MKLN1: variants seen among roughly 807,000 people sequenced by gnomAD.
MKLN1 encodes muskelin.
A neutral mutation model predicts 99.0 loss-of-function variants in MKLN1; 18 were observed. That is an observed-to-expected ratio of 0.18 (90% confidence interval 0.13 to 0.27). MKLN1 has a LOEUF of 0.27. Ranked by LOEUF, MKLN1 falls within the 10% of genes least tolerant of loss-of-function variation. MKLN1 has a pLI of 1.00. For synonymous variants in MKLN1, 288 were observed against 293.2 expected (o/e 0.98, Z 0.18); for missense variants, 621 against 875.9 (o/e 0.71, Z 3.67).
intron 16 of MKLN1, among the ~76,000 whole-genome samples, chr7:131,473,428 G>A (rs1398298212): frequency 2.6e-5 from 4 of 151,660 alleles, no homozygotes; most frequent in Admixed American, 6.6e-5. Flanking sequence ...ATTGACAGCT[G>A]ACTATCAACT....
At chr7:131,375,302 T>G in intron 1 of MKLN1, 122 bp from the exon 2 acceptor site, 1 of 637,152 alleles carries the variant, frequency 1.6e-6, no homozygotes, top group South Asian at 2.0e-5. Context: ...TCTGTTTTGT[T>G]TTCTATTCTT....
intron 3 of MKLN1, among the ~76,000 whole-genome samples, chr7:131,315,724 T>C (rs1798655471): frequency 6.6e-6 from 1 of 152,176 alleles, no homozygotes; most frequent in Non-Finnish European, 1.5e-5. Flanking sequence ...GAGGGGCATC[T>C]GCCATTACTG....
intron 1 of MKLN1, among the ~76,000 whole-genome samples, chr7:131,138,975 T>A (rs938707097): frequency 6.6e-6 from 1 of 152,182 alleles, no homozygotes; most frequent in Non-Finnish European, 1.5e-5. Context: ...CTAAATTAAC[T>A]GTGCCAGGCC....
intron 3 of MKLN1, among the ~76,000 whole-genome samples, chr7:131,298,032 T>G (rs1015187709): frequency 4.6e-5 from 7 of 151,438 alleles, no homozygotes; most frequent in Non-Finnish European, 1.0e-4. Context: ...GCCTGTAATC[T>G]CACCACTTTG....
chr7:131,399,104 A>G (rs1584697794), intron 5 of MKLN1, 137 bp from the exon 6 acceptor site: 2 of 696,674 alleles, frequency 2.9e-6, no homozygotes, highest in East Asian at 5.7e-5. Flanking sequence ...TACCTAATGA[A>G]TCAGGTTAGT....
rs1797395162 is a variant in MKLN1, at chr7:131,490,383, G to C, written c.*2655G>C. Reference sequence around the variant, plus strand: ...TTGTTTTCAACCAGAAATTAAAGTAGATATCCAACATTATTTTCAGTGCTT... The same window carrying C: ...TTGTTTTCAACCAGAAATTAAAGTACATATCCAACATTATTTTCAGTGCTT... On this transcript the variant is annotated 3_prime_UTR_variant, in exon 18 of 18. Coordinates refer to ENST00000352689, the MANE Select transcript of MKLN1 (RefSeq NM_013255.5). 6.6e-6 allele frequency: 1 copy of C among 152,500 alleles called. No homozygotes were observed. The highest frequency in any genetic ancestry group is 2.1e-4 in the South Asian group (1 of 4,830). 9.4% of individuals were successfully genotyped at this position (152,500 alleles called of 1,614,324 possible).
intron 2 of MKLN1, among the ~76,000 whole-genome samples, chr7:131,191,057 G>A (rs1052800484): frequency 3.3e-5 from 5 of 152,198 alleles, no homozygotes; most frequent in Admixed American, 6.5e-5. Flanking sequence ...GCTGTGACTA[G>A]CTAGGCCATA....
In MKLN1 at chr7:131,437,767, T is replaced by TTC. The variant is rs760333382; in HGVS notation, c.961-6_961-5dup. On this transcript the variant is annotated splice_polypyrimidine_tract_variant and intron_variant, in intron 9 of 17. Transcript: ENST00000352689. ...CTCTTTATTTGTTTATTTATTTATT[T>TTC]TCTCTCTCTCTCTACAGAATGGTCC... 38 of 1,535,666 alleles carry TTC rather than the reference T, an allele frequency of 2.5e-5. No individual in the cohort carries two copies. Among genetic ancestry groups the TTC allele is most frequent in the Admixed American group, 1.6e-4 (9 of 56,438 alleles).
chr7:131,132,438 A>G (rs952415183), intron 1 of MKLN1, among the ~76,000 whole-genome samples: 3 of 152,222 alleles, frequency 2.0e-5, no homozygotes, highest in African/African-American at 7.2e-5. Flanking sequence ...AGACACATAT[A>G]CATACATACA....
At chr7:131,453,964 C>T (rs759730519) in intron 12 of MKLN1, among the ~76,000 whole-genome samples, 9 of 151,608 alleles carry the variant, frequency 5.9e-5, no homozygotes, top group Non-Finnish European at 1.3e-4. Context: ...TTATTCATAA[C>T]TTTTAAGTGT....
intron 10 of MKLN1, among the ~76,000 whole-genome samples, chr7:131,438,317 C>G (rs779060970): frequency 1.3e-5 from 2 of 151,192 alleles, no homozygotes; most frequent in Non-Finnish European, 2.9e-5. Context: ...AACAACTTAC[C>G]CTTTTAATTA....
chr7:131,424,104 T>G (rs554617080), intron 8 of MKLN1, among the ~76,000 whole-genome samples: 65 of 152,320 alleles, frequency 4.3e-4, no homozygotes, highest in African/African-American at 1.5e-3. Flanking sequence ...CTTCAAAAAT[T>G]GTCATGTTAA....
At chr7:131,151,102 A>G (rs142979311) in intron 2 of MKLN1, among the ~76,000 whole-genome samples, 3 of 152,202 alleles carry the variant, frequency 2.0e-5, no homozygotes, top group African/African-American at 4.8e-5. Context: ...CTTTAAGTGC[A>G]TCTGCTGTCA....
intron 3 of MKLN1, among the ~76,000 whole-genome samples, chr7:131,259,203 G>C (rs983593728): frequency 1.3e-5 from 2 of 152,072 alleles, no homozygotes; most frequent in Admixed American, 6.6e-5. Context: ...CCATTAGAAA[G>C]TCTGGCCTTC....
At chr7:131,400,516 A>ATATATATATAT (rs1186649549) in intron 6 of MKLN1, among the ~76,000 whole-genome samples, 39 of 108,070 alleles carry the variant, frequency 3.6e-4, no homozygotes, top group African/African-American at 8.8e-4. Context: ...CAATAAAAAA[A>ATATATATATAT]AAATATATAT....
intron 2 of MKLN1, among the ~76,000 whole-genome samples, chr7:131,201,058 T>C (rs761175501): frequency 1.3e-5 from 2 of 152,204 alleles, no homozygotes; most frequent in Non-Finnish European, 2.9e-5. Flanking sequence ...CTTGCTCTGT[T>C]GCCCAGGCTG....
intron 1 of MKLN1, among the ~76,000 whole-genome samples, chr7:131,110,748 CAGCATACCTCA>C (rs1446729159): frequency 6.6e-6 from 1 of 152,162 alleles, no homozygotes; most frequent in Admixed American, 6.5e-5. Flanking sequence ...TTCCTTTGAC[CAGCATACCTCA>C]TTCGGCTTAA....
intron 2 of MKLN1, among the ~76,000 whole-genome samples, chr7:131,188,096 C>T (rs900135354): frequency 1.3e-5 from 2 of 152,104 alleles, no homozygotes; most frequent in Non-Finnish European, 2.9e-5. Context: ...AATAGGTTAT[C>T]GAATTTTAAA....
intron 2 of MKLN1, among the ~76,000 whole-genome samples, chr7:131,186,618 T>G (rs1796454345): frequency 6.6e-6 from 1 of 152,246 alleles, no homozygotes; most frequent in South Asian, 2.1e-4. Flanking sequence ...GTTTTATTAC[T>G]TTACTGTCAC....
Sources: gnomAD v4.1 joint callset for allele counts (sites outside exome capture counted in the v4.1 genomes callset) on GRCh38, gnomAD v4.1.1 for gene constraint, MANE v1.5 for transcripts, NCBI Gene and HGNC (gene_info 2026-07-23, HGNC 2026-07-21) for gene names.